BBX: variants seen among roughly 807,000 people sequenced by gnomAD.
BBX encodes BBX high mobility group box domain containing.
A neutral mutation model predicts 100.2 loss-of-function variants in BBX; 30 were observed. The observed-to-expected ratio is 0.30, with a 90% CI of 0.22 to 0.41. BBX has a LOEUF of 0.41. Ranked by LOEUF, BBX falls within the 10% of genes least tolerant of loss-of-function variation. The pLI, the probability that BBX is intolerant of heterozygous loss-of-function variation, is 1.00. For missense variants in BBX, 1,023 were observed against 1,129.8 expected, an observed-to-expected ratio of 0.91 and a Z score of 1.35; for synonymous variants, 376 against 388.1, an observed-to-expected ratio of 0.97 and a Z score of 0.37.
At chr3:107,595,189 G>A (rs563064636) in intron 2 of BBX, among the ~76,000 whole-genome samples, 1 of 152,326 alleles carries the variant, frequency 6.6e-6, no homozygotes, top group Non-Finnish European at 1.5e-5. Flanking sequence ...GTGACCTTGA[G>A]CAAGTCACTT....
chr3:107,623,512 A>AGT (rs1207315008), intron 2 of BBX, among the ~76,000 whole-genome samples: 2 of 152,192 alleles, frequency 1.3e-5, no homozygotes, highest in African/African-American at 4.8e-5. Flanking sequence ...GGACAGACAA[A>AGT]GTGAAGTGTG....
intron 9 of BBX, among the ~76,000 whole-genome samples, chr3:107,750,384 G>T (rs2064987013): frequency 6.6e-6 from 1 of 152,118 alleles, no homozygotes; most frequent in South Asian, 2.1e-4. Context: ...AAAATAAAAT[G>T]GATAGTGTAA....
chr3:107,601,258 A>G (rs1257791545), intron 2 of BBX, among the ~76,000 whole-genome samples: 3 of 152,174 alleles, frequency 2.0e-5, no homozygotes, highest in African/African-American at 7.2e-5. Context: ...AATTAGGCCA[A>G]TTAATTACCC....
At position 107,807,826 on chromosome 3, in the gene BBX, G is replaced by A. The variant is rs1315294701; in HGVS notation, c.*2369G>A. 6.6e-6 allele frequency: 1 copy of A among 152,074 alleles called. No individual in the cohort carries two copies. Among genetic ancestry groups the A allele is most frequent in the Non-Finnish European group, 1.5e-5 (1 of 68,012 alleles). 9.4% of individuals were successfully genotyped at this position (152,074 alleles called of 1,614,324 possible). Reference sequence around the variant, plus strand: ...CCCTTAGGCAGGGTTGGGGGTGGGAGGGCAACTTACTGGAGATGACTGTTT... The same window carrying A: ...CCCTTAGGCAGGGTTGGGGGTGGGAAGGCAACTTACTGGAGATGACTGTTT... On this transcript the variant is annotated 3_prime_UTR_variant, in exon 18 of 18. Coordinates refer to ENST00000325805, the MANE Select transcript of BBX (RefSeq NM_001142568.3).
At chr3:107,642,980 T>G (rs548296634) in intron 2 of BBX, among the ~76,000 whole-genome samples, 50 of 152,316 alleles carry the variant, frequency 3.3e-4, no homozygotes, top group Non-Finnish European at 4.3e-4. Context: ...TTAAATATTC[T>G]TCTGTGTAAG....
At position 107,710,640 on chromosome 3, in the gene BBX, C is replaced by T. The variant is rs1320150266; in HGVS notation, c.162+18C>T. 3 of 1,566,932 alleles carry T rather than the reference C, an allele frequency of 1.9e-6. No homozygotes were observed. The highest frequency in any genetic ancestry group is 2.8e-5 in the African/African-American group (2 of 72,506). On this transcript the variant is annotated intron_variant, in intron 4 of 17. Coordinates refer to ENST00000325805, the MANE Select transcript of BBX (RefSeq NM_001142568.3). ...TTGATAAGGTAAGTCCTATATTTAC[C>T]ATAGAAGTTTCAAGTTTATTAGAGC...
chr3:107,613,617 T>C (rs1237682965), intron 2 of BBX, among the ~76,000 whole-genome samples: 1 of 152,084 alleles, frequency 6.6e-6, no homozygotes, highest in Non-Finnish European at 1.5e-5. Flanking sequence ...AGTATTCATA[T>C]TAATTTGAAA....
intron 3 of BBX, chr3:107,657,079 A>G (rs972393028): frequency 6.6e-6 from 1 of 152,122 alleles, no homozygotes; most frequent in African/African-American, 2.4e-5. Flanking sequence ...GGCCACTGAA[A>G]ACTTCTGAGC....
chr3:107,775,157 C>T lies in BBX; in HGVS notation c.2054+300C>T, dbSNP rs143639976. Among the ~76,000 whole-genome samples, 943 of 152,182 alleles carry T rather than the reference C, an allele frequency of 6.2e-3. 9 individuals carry two copies. Among genetic ancestry groups the T allele is most frequent in the African/African-American group, 0.021 (889 of 41,516 alleles). On this transcript the variant is annotated intron_variant, in intron 12 of 17. Coordinates refer to ENST00000325805, the MANE Select transcript of BBX (RefSeq NM_001142568.3). ...CTTCACCAGGATGCATTTTTCCATC[C>T]GAAGCTTAGAATGGATAGTATTAGC...
At chr3:107,676,802 C>T (rs191239981) in intron 3 of BBX, among the ~76,000 whole-genome samples, 2 of 152,004 alleles carry the variant, frequency 1.3e-5, no homozygotes, top group East Asian at 1.9e-4. Flanking sequence ...GGTGAGAAAG[C>T]GGTGTAAGGG....
At chr3:107,633,463 T>G (rs2056668537) in intron 2 of BBX, among the ~76,000 whole-genome samples, 1 of 152,226 alleles carries the variant, frequency 6.6e-6, no homozygotes, top group South Asian at 2.1e-4. Context: ...TTTTGAAAAT[T>G]TATTACTGCA....
chr3:107,646,525 A>T (rs772548068), intron 3 of BBX, among the ~76,000 whole-genome samples: 8 of 152,000 alleles, frequency 5.3e-5, no homozygotes, highest in Admixed American at 1.3e-4. Context: ...TAGGGGAAAA[A>T]TTTTTTTAAC....
At position 107,798,697 on chromosome 3, in the gene BBX, T is replaced by C. The variant is rs984896881; in HGVS notation, c.2528T>C (p.Val843Ala). The C allele has an allele frequency of 1.2e-6, 2 of 1,613,710 alleles. No individual in the cohort carries two copies. Among genetic ancestry groups the C allele is most frequent in the South Asian group, 1.1e-5 (1 of 91,070 alleles). Reference sequence around the variant, plus strand: ...CTTGTCAGGACAGCAGATGGCCGGGTATCACCAGCAGGAGGTACTTTGGGT... The same window carrying C: ...CTTGTCAGGACAGCAGATGGCCGGGCATCACCAGCAGGAGGTACTTTGGGT... ...THLVRTADGRVSPAGGTLDDK... is the reference protein window; with the variant it reads ...THLVRTADGRASPAGGTLDDK... The change falls in exon 16 of 18, where the codon GTA becomes GCA. Residue 843 changes from valine (V) to alanine (A), a missense_variant. By Grantham distance (64) the Val-to-Ala change is moderately conservative. This residue lies in a region of BBX where 104 missense variants were observed against 132.2 expected (regional missense o/e 0.79). Coordinates refer to ENST00000325805, the MANE Select transcript of BBX (RefSeq NM_001142568.3).
At chr3:107,537,310 A>G (rs896713279) in intron 2 of BBX, among the ~76,000 whole-genome samples, 1 of 152,228 alleles carries the variant, frequency 6.6e-6, no homozygotes, top group African/African-American at 2.4e-5. Context: ...AGCATTCTAC[A>G]TATACCAAAT....
chr3:107,607,399 A>C (rs1209494626), intron 2 of BBX, among the ~76,000 whole-genome samples: 1 of 152,142 alleles, frequency 6.6e-6, no homozygotes, highest in Non-Finnish European at 1.5e-5. Context: ...ATTCTTTTTT[A>C]AGACTGAATA....
intron 2 of BBX, among the ~76,000 whole-genome samples, chr3:107,560,753 A>G (rs962493605): frequency 1.3e-5 from 2 of 152,226 alleles, no homozygotes; most frequent in African/African-American, 4.8e-5. Flanking sequence ...AGCTTAAGCT[A>G]GTACAAACAG....
chr3:107,614,685 G>A (rs1421568402), intron 2 of BBX, among the ~76,000 whole-genome samples: 1 of 152,038 alleles, frequency 6.6e-6, no homozygotes, highest in African/African-American at 2.4e-5. Context: ...CAATGTAAAT[G>A]CCATGTAAAT....
intron 2 of BBX, among the ~76,000 whole-genome samples, chr3:107,604,287 C>T (rs2054274304): frequency 6.6e-6 from 1 of 152,124 alleles, no homozygotes; most frequent in East Asian, 1.9e-4. Flanking sequence ...GGTATGTGTC[C>T]TCTTAGGTCG....
chr3:107,755,282 T>C (rs1224010568), intron 9 of BBX, among the ~76,000 whole-genome samples: 1 of 152,234 alleles, frequency 6.6e-6, no homozygotes, highest in Admixed American at 6.5e-5. Context: ...ATTTGACTAG[T>C]TATTAAGTTA....
Sources: gnomAD v4.1 joint callset for allele counts (sites outside exome capture counted in the v4.1 genomes callset) on GRCh38, gnomAD v4.1.1 for gene constraint, gnomAD v4.1.1 regional missense constraint, MANE v1.5 for transcripts, NCBI Gene and HGNC (gene_info 2026-07-23, HGNC 2026-07-21) for gene names.